AS3MT: variants seen among roughly 807,000 people sequenced by gnomAD.
AS3MT encodes the protein S-adenosyl-L-methionine:arsenic(III) methyltransferase.
A neutral mutation model predicts 45.3 loss-of-function variants in AS3MT; 47 were observed. That is an observed-to-expected ratio of 1.04 (90% CI 0.82 to 1.32). The LOEUF (loss-of-function observed/expected upper bound fraction) is 1.32, where lower values mean the gene tolerates loss of function less well. Among genes scored for constraint, AS3MT ranks in the 40% most tolerant of loss-of-function variants. The pLI is 0.00. For missense variants in AS3MT, 396 were observed against 451.1 expected (o/e 0.88, Z 1.11); for synonymous variants, 141 against 152.8 (o/e 0.92, Z 0.57).
At chr10:102,877,111 G>A (rs1288800743) in intron 7 of AS3MT, 76 bp downstream of exon 7, 25 of 1,385,206 alleles carry the variant, frequency 1.8e-5, no homozygotes, top group Non-Finnish European at 2.6e-5. Context: ...TAATAGCCAG[G>A]ATGAGGCTAT....
intron 5 of AS3MT, 65 bp downstream of exon 5, chr10:102,873,298 TGAG>T: frequency 8.1e-7 from 1 of 1,230,910 alleles, no homozygotes; most frequent in South Asian, 2.4e-5. Context: ...TTATTATTAT[TGAG>T]ATGGACTCTC....
chr10:102,874,460 AAGAG>A, intron 5 of AS3MT, 128 bp from the exon 6 acceptor site: 1 of 637,422 alleles, frequency 1.6e-6, no homozygotes, highest in Non-Finnish European at 2.8e-6. Context: ...AGGCATTAGA[AAGAG>A]AGGAGGGAGG....
intron 9 of AS3MT, among the ~76,000 whole-genome samples, chr10:102,884,607 C>T (rs950121804): frequency 1.3e-5 from 2 of 152,072 alleles, no homozygotes; most frequent in African/African-American, 2.4e-5. Context: ...AGTGCAGTGG[C>T]GTGATCTTGG....
In AS3MT at chr10:102,870,082, A is replaced by G; in HGVS notation, c.43-2A>G. 1 of 1,613,868 alleles carries G rather than the reference A, an allele frequency of 6.2e-7. No individual in the cohort carries two copies. Among genetic ancestry groups the G allele is most frequent in the Non-Finnish European group, 8.5e-7 (1 of 1,180,020 alleles). On this transcript the variant is annotated splice_acceptor_variant, in intron 2 of 10. Transcript: ENST00000369880. LOFTEE classifies it high-confidence loss of function. ...TCACTCCACTGTGGGACGCTGGGTC[A>G]GACCTACTACGGGCAGGTGCTGAAG... is the stretch of plus-strand genomic sequence containing the variant.
chr10:102,889,983 C>A (rs554583349), intron 9 of AS3MT, among the ~76,000 whole-genome samples: 1 of 144,492 alleles, frequency 6.9e-6, no homozygotes, highest in Non-Finnish European at 1.5e-5. Flanking sequence ...CAGCCAGTTT[C>A]ATTTTCTTTT....
chr10:102,894,720 G>C (rs924737678), intron 10 of AS3MT, among the ~76,000 whole-genome samples: 5 of 152,090 alleles, frequency 3.3e-5, no homozygotes, highest in Non-Finnish European at 5.9e-5. Context: ...CTGCCTAGAG[G>C]CTTCATCTGC....
intron 9 of AS3MT, among the ~76,000 whole-genome samples, chr10:102,887,438 A>G (rs1015889524): frequency 1.3e-5 from 2 of 152,132 alleles, no homozygotes; most frequent in Non-Finnish European, 2.9e-5. Flanking sequence ...CCCTACTACT[A>G]TTGCATTACA....
chr10:102,873,951 A>G (rs1324119916), intron 5 of AS3MT, among the ~76,000 whole-genome samples: 1 of 152,192 alleles, frequency 6.6e-6, no homozygotes, highest in Non-Finnish European at 1.5e-5. Flanking sequence ...GTTTACGTGA[A>G]GCATAAGAAA....
intron 10 of AS3MT, among the ~76,000 whole-genome samples, chr10:102,893,921 A>C (rs1191491002): frequency 2.6e-5 from 4 of 152,016 alleles, no homozygotes. Flanking sequence ...GGGGTGAACC[A>C]CCATGCCTGG....
chr10:102,886,921 A>G (rs1343611338), intron 9 of AS3MT, among the ~76,000 whole-genome samples: 1 of 152,180 alleles, frequency 6.6e-6, no homozygotes, highest in African/African-American at 2.4e-5. Flanking sequence ...TTTTTGATAT[A>G]GGCATTACTT....
chr10:102,880,120 C>A (rs1043880471), intron 9 of AS3MT, among the ~76,000 whole-genome samples: 1 of 152,028 alleles, frequency 6.6e-6, no homozygotes, highest in Non-Finnish European at 1.5e-5. Flanking sequence ...GGAGTATGTA[C>A]AATAGTATTT....
intron 3 of AS3MT, among the ~76,000 whole-genome samples, chr10:102,871,471 CGGG>C (rs1844682430): frequency 7.5e-6 from 1 of 132,870 alleles, no homozygotes; most frequent in African/African-American, 2.8e-5. Flanking sequence ...GGCGTGAACC[CGGG>C]AGGCGGAGCT....
rs1844957207 is a variant in AS3MT, at chr10:102,886,376, G to A, written c.886-4168G>A. Among the ~76,000 whole-genome samples the A allele has an allele frequency of 4.1e-5, 6 of 147,676 alleles. No individual in the cohort carries two copies. The South Asian group carries it at 1.3e-3, about 32-fold the overall frequency. On this transcript the variant is annotated intron_variant, in intron 9 of 10. Coordinates refer to ENST00000369880, the MANE Select transcript of AS3MT (RefSeq NM_020682.4). ...ATCTCGCTCTGTTGCCCAGGTTGGA[G>A]TGCAGTGGCGCGATCTCAGCTCACT...
intron 9 of AS3MT, among the ~76,000 whole-genome samples, chr10:102,889,645 T>C (rs1299163487): frequency 4.0e-4 from 57 of 141,100 alleles, no homozygotes; most frequent in Non-Finnish European, 8.2e-4. Flanking sequence ...CCTTCCTTCC[T>C]TTCTTCCTTC....
rs774570325 is a variant in AS3MT at position 102,873,125 on chromosome 10, A to G, written c.350A>G (p.Tyr117Cys). 4 of 1,602,028 alleles carry G rather than the reference A, an allele frequency of 2.5e-6. No homozygotes were observed. The highest frequency in any genetic ancestry group is 3.4e-6 in the Non-Finnish European group (4 of 1,176,956). ...GAAGTGGCTGAAAAGTATCTTGACT[A>G]TCACATGGAAAAATATGGCTTCCAG... is the stretch of plus-strand genomic sequence containing the variant. ...QVEVAEKYLD[Y>C]HMEKYGFQAS... The change falls in exon 5 of 11, where the codon TAT becomes TGT. Residue 117 changes from tyrosine (Y) to cysteine (C), a missense_variant. By Grantham distance (194) the Tyr-to-Cys change is radical (BLOSUM62 -2). Transcript: ENST00000369880.
intron 4 of AS3MT, 96 bp downstream of exon 4, chr10:102,872,694 A>C (rs1404946350): frequency 7.4e-7 from 1 of 1,354,544 alleles, no homozygotes; most frequent in Non-Finnish European, 1.0e-6. Flanking sequence ...AGGATAATTT[A>C]AGAAAGCTTC....
In AS3MT at chr10:102,891,968, A is replaced by G. The variant is rs1010739268; in HGVS notation, c.1020+1290A>G. The stretch of plus-strand genomic sequence containing the variant: ...TGTCTCAAAAAAAAAAAAAAAAAAA[A>G]AAAAAAGAAAGAAGGCTAGAGAGAG... On this transcript the variant is annotated intron_variant, in intron 10 of 10. Transcript: ENST00000369880. Among the ~76,000 whole-genome samples, 207 of 151,116 alleles carry G rather than the reference A, an allele frequency of 1.4e-3. 1 individual carries two copies. Among genetic ancestry groups the G allele is most frequent in the African/African-American group, 4.8e-3 (200 of 41,304 alleles).
intron 1 of AS3MT, 30 bp from the exon 2 acceptor site, chr10:102,869,775 C>T: frequency 6.2e-7 from 1 of 1,614,108 alleles, no homozygotes; most frequent in African/African-American, 1.3e-5. Flanking sequence ...AGCACCCTCT[C>T]CTTTCAACTA....
rs780550865 is a variant in AS3MT at position 102,872,638 on chromosome 10, A to G, written c.321+40A>G. On this transcript the variant is annotated intron_variant, in intron 4 of 10. Coordinates refer to ENST00000369880, the MANE Select transcript of AS3MT (RefSeq NM_020682.4). Reference sequence around the variant, plus strand: ...GGAAGACAAGGAGAAAAAGATTCTCAAAAGCATTATTTGAAAAATAAAGTT... The same window carrying G: ...GGAAGACAAGGAGAAAAAGATTCTCGAAAGCATTATTTGAAAAATAAAGTT... The G allele has an allele frequency of 3.2e-6, 5 of 1,564,258 alleles. No individual in the cohort carries two copies. In the East Asian group the frequency reaches 1.1e-4, roughly 35 times the overall value.
Sources: allele counts gnomAD v4.1 joint callset (sites outside exome capture counted in the v4.1 genomes callset), GRCh38; gene constraint gnomAD v4.1.1; transcripts MANE v1.5; gene names NCBI Gene and HGNC (gene_info 2026-07-23, HGNC 2026-07-21).